Variants in ZHX3 observed in about 807,000 individuals in gnomAD.
ZHX3 encodes zinc fingers and homeoboxes protein 3.
In ZHX3, 20 loss-of-function variants were observed where a neutral mutation model predicts 64.5. The observed-to-expected ratio is 0.31, with a 90% confidence interval of 0.22 to 0.45. The LOEUF is 0.45. Among genes scored for constraint, ZHX3 ranks in the 20% least tolerant of loss-of-function variants. The pLI is 1.00. For missense variants in ZHX3, 1,041 were observed against 1,195.8 expected (o/e 0.87, Z 1.91); for synonymous variants, 423 against 461.6 (o/e 0.92, Z 1.07).
At chr20:41,217,266 G>T (rs1322323593) in intron 2 of ZHX3, among the ~76,000 whole-genome samples, 1 of 151,912 alleles carries the variant, frequency 6.6e-6, no homozygotes, top group Admixed American at 6.6e-5. Flanking sequence ...TTACTGGGAG[G>T]AAAAACCCAA....
chr20:41,257,261 G>T (rs1568906149), intron 2 of ZHX3, among the ~76,000 whole-genome samples: 1 of 152,150 alleles, frequency 6.6e-6, no homozygotes, highest in Non-Finnish European at 1.5e-5. Flanking sequence ...TCTCTATAAA[G>T]CTGGTTTGGA....
intron 2 of ZHX3, among the ~76,000 whole-genome samples, chr20:41,222,448 GTGT>G (rs2040005146): frequency 6.6e-6 from 1 of 152,210 alleles, no homozygotes. Context: ...TTGGTCACAA[GTGT>G]TGTAGGAAAT....
chr20:41,240,696 T>C (rs1014356900), intron 2 of ZHX3, among the ~76,000 whole-genome samples: 3 of 152,186 alleles, frequency 2.0e-5, no homozygotes, highest in Non-Finnish European at 4.4e-5. Flanking sequence ...ACCATCCTTC[T>C]ACTCTGTATC....
chr20:41,275,804 C>T (rs892746759), intron 1 of ZHX3, among the ~76,000 whole-genome samples: 13 of 152,160 alleles, frequency 8.5e-5, no homozygotes, highest in Non-Finnish European at 1.6e-4. Flanking sequence ...GTCTTCAACA[C>T]GCTAACTGAA....
intron 2 of ZHX3, among the ~76,000 whole-genome samples, chr20:41,243,796 T>C (rs1039803538): frequency 2.0e-5 from 3 of 152,100 alleles, no homozygotes; most frequent in Non-Finnish European, 4.4e-5. Context: ...AAGGCAAATG[T>C]GGTAAGTGCT....
At position 41,212,429 on chromosome 20, in the gene ZHX3, T is replaced by C. The variant is rs2039225054; in HGVS notation, c.-150-7363A>G. Reference sequence around the variant, plus strand: ...AACTGGAGCCCTCACGTATTGCTGATGAAAATGTAAAATGGTATAGCCACT... The same window carrying C: ...AACTGGAGCCCTCACGTATTGCTGACGAAAATGTAAAATGGTATAGCCACT... On this transcript the variant is annotated intron_variant, in intron 2 of 3. Coordinates refer to ENST00000683867, the MANE Select transcript of ZHX3 (RefSeq NM_001384317.1). This position sits in a 1 kb window ranked among gnomAD's most constrained non-coding sequence, Gnocchi z 4.3. Among the ~76,000 whole-genome samples, 1 of 152,060 alleles carries C rather than the reference T, an allele frequency of 6.6e-6. No homozygotes were observed. The highest frequency in any genetic ancestry group is 1.5e-5 in the Non-Finnish European group (1 of 68,002).
chr20:41,305,248 G>C (rs573965042), intron 1 of ZHX3, among the ~76,000 whole-genome samples: 4 of 152,220 alleles, frequency 2.6e-5, no homozygotes, highest in Admixed American at 6.5e-5. Flanking sequence ...GGCTGGGAGC[G>C]GTGGTTCATG....
intron 2 of ZHX3, among the ~76,000 whole-genome samples, chr20:41,209,355 G>A (rs1265899532): frequency 6.6e-6 from 1 of 152,010 alleles, no homozygotes; most frequent in East Asian, 1.9e-4. Flanking sequence ...AGGTCATATG[G>A]AACAAAAAAA....
At chr20:41,282,981 T>C (rs1039722139) in intron 1 of ZHX3, among the ~76,000 whole-genome samples, 1 of 152,130 alleles carries the variant, frequency 6.6e-6, no homozygotes, top group African/African-American at 2.4e-5. Context: ...TGATCTTGGC[T>C]CACTGCAACC....
intron 2 of ZHX3, among the ~76,000 whole-genome samples, chr20:41,218,443 CTAAA>C (rs60949298): frequency 9.8e-4 from 148 of 151,696 alleles, no homozygotes; most frequent in Non-Finnish European, 1.5e-3. Flanking sequence ...GACCCTGTCT[CTAAA>C]TAAATAAATA....
intron 2 of ZHX3, among the ~76,000 whole-genome samples, chr20:41,235,072 G>C (rs1023759884): frequency 5.9e-5 from 9 of 152,132 alleles, no homozygotes; most frequent in Admixed American, 5.2e-4. Context: ...TTCCATGAGA[G>C]ACAGTTATAA....
chr20:41,275,480 A>G (rs1423265889), intron 1 of ZHX3, among the ~76,000 whole-genome samples: 5 of 152,230 alleles, frequency 3.3e-5, no homozygotes, highest in African/African-American at 1.2e-4. Context: ...GAAGGTAACC[A>G]GGTAAAAACC....
intron 1 of ZHX3, among the ~76,000 whole-genome samples, chr20:41,298,938 C>T (rs1397593746): frequency 1.3e-5 from 2 of 149,488 alleles, no homozygotes; most frequent in Non-Finnish European, 2.9e-5. Flanking sequence ...ATGAGGAAGA[C>T]TGTTCTTGTG....
chr20:41,222,424 TG>T (rs2040003443), intron 2 of ZHX3, among the ~76,000 whole-genome samples: 2 of 152,190 alleles, frequency 1.3e-5, no homozygotes, highest in Admixed American at 1.3e-4. Flanking sequence ...GGGGAAAAAC[TG>T]GATTGAACTG....
intron 1 of ZHX3, among the ~76,000 whole-genome samples, chr20:41,273,239 T>C (rs2043230020): frequency 6.6e-6 from 1 of 152,298 alleles, no homozygotes; most frequent in South Asian, 2.1e-4. Flanking sequence ...TTTTCTGTTG[T>C]TCAGTTGTTA....
At chr20:41,260,376 G>C (rs1424625486) in intron 2 of ZHX3, among the ~76,000 whole-genome samples, 2 of 152,130 alleles carry the variant, frequency 1.3e-5, no homozygotes, top group Non-Finnish European at 2.9e-5. Flanking sequence ...CTTTTTGTAA[G>C]GTAGAAATAA....
intron 2 of ZHX3, among the ~76,000 whole-genome samples, chr20:41,240,650 C>CG (rs1370769018): frequency 2.0e-5 from 3 of 152,162 alleles, no homozygotes; most frequent in African/African-American, 4.8e-5. Context: ...ATTTCCCCCC[C>CG]GTCACTCACC....
At chr20:41,239,919 T>C (rs1428394020) in intron 2 of ZHX3, among the ~76,000 whole-genome samples, 1 of 152,198 alleles carries the variant, frequency 6.6e-6, no homozygotes, top group Admixed American at 6.5e-5. Context: ...AGGAGAAGAA[T>C]GTCTTGGAAC....
chr20:41,228,285 A>G lies in ZHX3; in HGVS notation c.-150-23219T>C, dbSNP rs1418195461. Among the ~76,000 whole-genome samples the G allele has an allele frequency of 6.6e-6, 1 of 152,206 alleles. No homozygotes were observed. The highest frequency in any genetic ancestry group is 6.5e-5 in the Admixed American group (1 of 15,276). ...CTGCAGGTTTTAAAAAACTACATGC[A>G]TAAATTTCTGGCTCCGTTGACCCTG... On this transcript the variant is annotated intron_variant, in intron 2 of 3. Coordinates refer to ENST00000683867, the MANE Select transcript of ZHX3 (RefSeq NM_001384317.1). This position sits in a 1 kb window ranked among gnomAD's most constrained non-coding sequence, Gnocchi z 4.6.
Sources: gnomAD v4.1 joint callset for allele counts (sites outside exome capture counted in the v4.1 genomes callset) on GRCh38, gnomAD v4.1.1 for gene constraint, Gnocchi (gnomAD v3.1) non-coding constraint, MANE v1.5 for transcripts, NCBI Gene and HGNC (gene_info 2026-07-23, HGNC 2026-07-21) for gene names.